The following MPPE1 variants were observed in gnomAD, a reference collection of about 807,000 sequenced individuals.
MPPE1 encodes metallo phosphoesterase.
In MPPE1, 28 loss-of-function variants were observed where a neutral mutation model predicts 43.8. The observed-to-expected ratio is 0.64, with a 90% CI of 0.47 to 0.88. The LOEUF (loss-of-function observed/expected upper bound fraction) is 0.88, where lower values mean the gene tolerates loss of function less well. Among genes scored for constraint, MPPE1 ranks in the 40% least tolerant of loss-of-function variants. MPPE1 has a pLI of 0.00. For synonymous variants in MPPE1, 159 were observed against 188.5 expected, an observed-to-expected ratio of 0.84 and a Z score of 1.28; for missense variants, 428 against 492.2, an observed-to-expected ratio of 0.87 and a Z score of 1.23.
In MPPE1 at chr18:11,901,122, G is replaced by A. The variant is rs576441220; in HGVS notation, c.-92-3766C>T. Among the ~76,000 whole-genome samples the A allele has an allele frequency of 1.2e-4, 18 of 152,260 alleles. No individual in the cohort carries two copies. The South Asian group carries it at 3.5e-3, about 30-fold the overall frequency. On this transcript the variant is annotated intron_variant, in intron 2 of 10. Transcript: ENST00000588072. ...CATTACTATTTCTGGCTTTTCAGAA[G>A]ATGAAAGGGTAGGCAATGGTGAAAT...
chr18:11,905,322 A>AC (rs1220244991), intron 2 of MPPE1: 30 of 151,878 alleles, frequency 2.0e-4, no homozygotes, highest in African/African-American at 7.3e-4. Flanking sequence ...AACAAAACAA[A>AC]ACAAAAAAAA....
chr18:11,897,329 T>C lies in MPPE1; in HGVS notation c.-65A>G, dbSNP rs1449015849. Reference sequence around the variant, plus strand: ...GAAAACTGCAGAGCCCTGGGGAGGGTGATGGCATTCAGGTCTTAGCTGGGC... The same window carrying C: ...GAAAACTGCAGAGCCCTGGGGAGGGCGATGGCATTCAGGTCTTAGCTGGGC... On this transcript the variant is annotated 5_prime_UTR_variant, in exon 3 of 11. Coordinates refer to ENST00000588072, the MANE Select transcript of MPPE1 (RefSeq NM_023075.6). 14 of 993,210 alleles carry C rather than the reference T, an allele frequency of 1.4e-5. No homozygotes were observed. The highest frequency in any genetic ancestry group is 2.0e-5 in the Non-Finnish European group (13 of 659,704). 61.5% of individuals were successfully genotyped at this position (993,210 alleles called of 1,614,324 possible).
intron 4 of MPPE1, 46 bp from the exon 5 acceptor site, chr18:11,889,536 C>A: frequency 1.4e-6 from 2 of 1,415,038 alleles, no homozygotes; most frequent in Non-Finnish European, 9.7e-7. Flanking sequence ...ACCATCTCTG[C>A]CCTGTGGCTA....
At chr18:11,889,623 TG>T (rs2037736289) in intron 4 of MPPE1, 133 bp from the exon 5 acceptor site, 1 of 567,486 alleles carries the variant, frequency 1.8e-6, no homozygotes, top group Non-Finnish European at 3.1e-6. Flanking sequence ...AGTGCAGTGG[TG>T]CGATCTCTGC....
rs1039737972 is a variant in MPPE1 at position 11,891,037 on chromosome 18, T to C, written c.391-1547A>G. 4.9e-5 allele frequency: 6 copies of C among 122,244 alleles called. 1 individual carries two copies. The highest frequency in any genetic ancestry group is 1.5e-4 in the Admixed American group (2 of 13,212). The allele number at this position is 122,244 out of a possible 1,614,324, so 7.6% of individuals were successfully genotyped here. The stretch of plus-strand genomic sequence containing the variant: ...TATCAATTGTACAAACACCCTAGGG[T>C]AGGGAAAAAAAACAAAAAAAACCTC... On this transcript the variant is annotated intron_variant, in intron 4 of 10. Transcript: ENST00000588072.
intron 10 of MPPE1, chr18:11,885,136 GA>G: frequency 9.9e-7 from 1 of 1,009,844 alleles, no homozygotes; most frequent in Non-Finnish European, 1.3e-6. Flanking sequence ...CATTTACTTT[GA>G]ATTTGAAAAT....
chr18:11,893,751 G>A (rs916812461), intron 3 of MPPE1, among the ~76,000 whole-genome samples, 175 bp from the exon 4 acceptor site: 1 of 152,174 alleles, frequency 6.6e-6, no homozygotes, highest in African/African-American at 2.4e-5. Flanking sequence ...TCTGATTAAA[G>A]GTGGGGAATT....
intron 3 of MPPE1, among the ~76,000 whole-genome samples, chr18:11,894,659 C>T (rs1027707111): frequency 1.3e-5 from 2 of 150,896 alleles, no homozygotes; most frequent in African/African-American, 2.4e-5. Context: ...GGTGTGATCT[C>T]GGCTCAATGC....
intron 2 of MPPE1, among the ~76,000 whole-genome samples, chr18:11,903,013 T>G (rs2039353613): frequency 6.6e-6 from 1 of 152,154 alleles, no homozygotes; most frequent in Admixed American, 6.5e-5. Context: ...CAAACCGGGT[T>G]AGAGGGGAGT....
intron 3 of MPPE1, among the ~76,000 whole-genome samples, chr18:11,894,264 T>C (rs957099085): frequency 2.0e-5 from 3 of 151,834 alleles, no homozygotes; most frequent in South Asian, 4.2e-4. Flanking sequence ...CTGTCTCTAC[T>C]AAAAATACAA....
At chr18:11,899,555 A>G (rs995493490) in intron 2 of MPPE1, among the ~76,000 whole-genome samples, 1 of 152,156 alleles carries the variant, frequency 6.6e-6, no homozygotes, top group Admixed American at 6.5e-5. Context: ...AAGTTGGTAA[A>G]AGGCTGCCCT....
Position 11,889,472 on chromosome 18 carries a change from C to G in MPPE1, c.409G>C (p.Glu137Gln). 5 of 1,613,300 alleles carry G rather than the reference C, an allele frequency of 3.1e-6. No homozygotes were observed. Among genetic ancestry groups the G allele is most frequent in the Non-Finnish European group, 4.2e-6 (5 of 1,179,590 alleles). ...TGTCTGAACATTTTCTGAAACCGCT[C>G]CACATCATCCGCCCAGGCCTGAGGG... ...STPEAWADDV[E>Q]RFQKMFRHPS... Residue 137 changes from glutamate to glutamine, a missense_variant, in exon 5 of 11, where the codon GAG becomes CAG. Physicochemically the swap from Glu to Gln is conservative, Grantham distance 29 (BLOSUM62 2). Coordinates refer to ENST00000588072, the MANE Select transcript of MPPE1 (RefSeq NM_023075.6).
intron 2 of MPPE1, among the ~76,000 whole-genome samples, chr18:11,904,391 T>C (rs2039507132): frequency 6.6e-6 from 1 of 152,012 alleles, no homozygotes; most frequent in African/African-American, 2.4e-5. Flanking sequence ...CCCAGCTCAG[T>C]GCAACCTCCG....
At chr18:11,899,658 G>A (rs1487088863) in intron 2 of MPPE1, among the ~76,000 whole-genome samples, 1 of 152,100 alleles carries the variant, frequency 6.6e-6, no homozygotes, top group Non-Finnish European at 1.5e-5. Flanking sequence ...TCCCAGGGAG[G>A]GTATAGGGAG....
At chr18:11,901,339 TCCTA>T (rs1233810938) in intron 2 of MPPE1, among the ~76,000 whole-genome samples, 1 of 151,970 alleles carries the variant, frequency 6.6e-6, no homozygotes, top group Non-Finnish European at 1.5e-5. Context: ...CAAGCAATCC[TCCTA>T]CCTGAGCCTC....
intron 2 of MPPE1, among the ~76,000 whole-genome samples, chr18:11,898,360 C>G (rs1359697067): frequency 1.3e-5 from 2 of 152,184 alleles, no homozygotes; most frequent in Non-Finnish European, 2.9e-5. Context: ...GCGTGAGCCA[C>G]TTTGCCAGGC....
rs189749178 is a variant in MPPE1 at position 11,890,127 on chromosome 18, A to G, written c.391-637T>C. 4.7e-3 allele frequency among the ~76,000 whole-genome samples: 707 copies of G among 151,328 alleles called. 3 individuals carry two copies. The highest frequency in any genetic ancestry group is 0.017 in the African/African-American group (686 of 41,212). On this transcript the variant is annotated intron_variant, in intron 4 of 10. Coordinates refer to ENST00000588072, the MANE Select transcript of MPPE1 (RefSeq NM_023075.6). The stretch of plus-strand genomic sequence containing the variant: ...CCGACTAATTTTTTGTATTTTTAGT[A>G]GAGACGGGGTTTCACTGTGTTAGCC...
intron 2 of MPPE1, 199 bp from the exon 3 acceptor site, chr18:11,897,555 T>G: frequency 3.3e-6 from 1 of 307,160 alleles, no homozygotes; most frequent in Middle Eastern, 9.5e-4. Flanking sequence ...TCTCCATACC[T>G]CCGTATGTCA....
intron 2 of MPPE1, among the ~76,000 whole-genome samples, chr18:11,898,954 C>T (rs528786657): frequency 2.0e-5 from 3 of 151,602 alleles, no homozygotes; most frequent in East Asian, 3.9e-4. Flanking sequence ...GTCACCCAGG[C>T]TGGAGTGCAA....
Sources: gnomAD v4.1 joint callset for allele counts (sites outside exome capture counted in the v4.1 genomes callset) on GRCh38, gnomAD v4.1.1 for gene constraint, MANE v1.5 for transcripts, NCBI Gene and HGNC (gene_info 2026-07-23, HGNC 2026-07-21) for gene names.